Variants in NKAIN3 observed in about 807,000 individuals in gnomAD.
The protein encoded by NKAIN3 is sodium/potassium-transporting ATPase subunit beta-1-interacting protein 3.
A neutral mutation model predicts 30.2 loss-of-function variants in NKAIN3; 25 were observed. That is an observed-to-expected ratio of 0.83 (90% CI 0.60 to 1.16). The LOEUF (loss-of-function observed/expected upper bound fraction) is 1.16, where lower values mean the gene tolerates loss of function less well. NKAIN3 is among the 50% of genes most tolerant of loss of function. The pLI, the probability that NKAIN3 is intolerant of heterozygous loss-of-function variation, is 0.00. For missense variants in NKAIN3, 225 were observed against 254.1 expected (o/e 0.89, Z 0.78); for synonymous variants, 91 against 89.6 (o/e 1.02, Z -0.09).
chr8:62,445,367 T>C (rs983154827), intron 1 of NKAIN3, among the ~76,000 whole-genome samples: 2 of 152,020 alleles, frequency 1.3e-5, no homozygotes, highest in Non-Finnish European at 2.9e-5. Flanking sequence ...CATTTTAACA[T>C]CAATTTTCTT....
intron 1 of NKAIN3, among the ~76,000 whole-genome samples, chr8:62,323,093 G>T (rs748375740): frequency 6.6e-6 from 1 of 152,164 alleles, no homozygotes; most frequent in Non-Finnish European, 1.5e-5. Context: ...ATGCAAAATG[G>T]TAGAGGCATT....
intron 3 of NKAIN3, among the ~76,000 whole-genome samples, chr8:62,740,216 A>G (rs114407484): frequency 0.011 from 1,684 of 152,250 alleles, 36 homozygotes; most frequent in African/African-American, 0.038. Context: ...ATATTCTGAG[A>G]CGAAAAAATA....
chr8:62,470,691 G>A (rs540666554), intron 1 of NKAIN3, among the ~76,000 whole-genome samples: 39 of 152,090 alleles, frequency 2.6e-4, no homozygotes, highest in East Asian at 5.8e-4. Flanking sequence ...CAGTGATAAC[G>A]TTAAGATGTT....
chr8:62,931,463 A>C (rs747570566), intron 5 of NKAIN3, among the ~76,000 whole-genome samples: 3 of 152,200 alleles, frequency 2.0e-5, no homozygotes, highest in Non-Finnish European at 4.4e-5. Flanking sequence ...GTACTTTCTG[A>C]AATAGTATTA....
chr8:62,806,680 G>A (rs1037858875), intron 4 of NKAIN3, among the ~76,000 whole-genome samples: 8 of 151,928 alleles, frequency 5.3e-5, no homozygotes, highest in Non-Finnish European at 1.2e-4. Context: ...GGGAGGGATA[G>A]CATTAGGAGA....
chr8:62,776,957 A>C (rs557596898), intron 4 of NKAIN3, among the ~76,000 whole-genome samples: 26 of 152,288 alleles, frequency 1.7e-4, no homozygotes, highest in African/African-American at 4.6e-4. Flanking sequence ...TGTTTAAAGA[A>C]TATTTTCACT....
At chr8:62,895,512 T>A (rs1388000562) in intron 4 of NKAIN3, among the ~76,000 whole-genome samples, 2 of 152,174 alleles carry the variant, frequency 1.3e-5, no homozygotes, top group Non-Finnish European at 2.9e-5. Flanking sequence ...TGGATGAGGA[T>A]TTCAGTTTGA....
At chr8:62,628,021 C>G (rs1811841996) in intron 3 of NKAIN3, among the ~76,000 whole-genome samples, 1 of 152,100 alleles carries the variant, frequency 6.6e-6, no homozygotes. Context: ...CACAGCCACC[C>G]AGATCTGTCA....
chr8:62,295,976 A>T (rs1382454957), intron 1 of NKAIN3, among the ~76,000 whole-genome samples: 1 of 152,202 alleles, frequency 6.6e-6, no homozygotes, highest in East Asian at 1.9e-4. Flanking sequence ...ACCAACTTGC[A>T]CATCAGCAAA....
intron 1 of NKAIN3, among the ~76,000 whole-genome samples, chr8:62,430,943 G>A (rs1298679978): frequency 6.6e-6 from 1 of 151,856 alleles, no homozygotes; most frequent in Non-Finnish European, 1.5e-5. Context: ...AAGCAGGAAA[G>A]TATTATAGGC....
intron 3 of NKAIN3, among the ~76,000 whole-genome samples, chr8:62,612,386 AT>A (rs982754556): frequency 2.9e-4 from 44 of 151,948 alleles, no homozygotes; most frequent in Non-Finnish European, 5.0e-4. Context: ...GTCACTCCCT[AT>A]AGTTTTTGTC....
chr8:62,880,044 G>C (rs1820927155), intron 4 of NKAIN3, among the ~76,000 whole-genome samples: 1 of 152,146 alleles, frequency 6.6e-6, no homozygotes. Flanking sequence ...GTAAGAGATC[G>C]CCAGTCCCTA....
chr8:62,546,344 G>A (rs1809014257), intron 1 of NKAIN3, among the ~76,000 whole-genome samples: 1 of 152,086 alleles, frequency 6.6e-6, no homozygotes, highest in Non-Finnish European at 1.5e-5. Context: ...CAGTACACTG[G>A]CTACCAAAAA....
At chr8:62,418,743 G>C (rs1158749056) in intron 1 of NKAIN3, among the ~76,000 whole-genome samples, 2 of 152,094 alleles carry the variant, frequency 1.3e-5, no homozygotes, top group Admixed American at 1.3e-4. Flanking sequence ...CTGTCGCTTT[G>C]AATCCCTTGA....
At chr8:62,787,932 T>G (rs1275138493) in intron 4 of NKAIN3, among the ~76,000 whole-genome samples, 2 of 152,180 alleles carry the variant, frequency 1.3e-5, no homozygotes, top group Non-Finnish European at 2.9e-5. Flanking sequence ...TCTATCATTG[T>G]TGGACATCTG....
chr8:62,473,478 G>C (rs1179242519), intron 1 of NKAIN3: 1 of 152,108 alleles, frequency 6.6e-6, no homozygotes, highest in Non-Finnish European at 1.5e-5. Context: ...GAAGCAAAAA[G>C]CCCTATAAAA....
intron 1 of NKAIN3, among the ~76,000 whole-genome samples, chr8:62,560,728 A>G (rs1809545762): frequency 6.6e-6 from 1 of 151,378 alleles, no homozygotes. Context: ...TTTAGTAGAG[A>G]TGGGGTTTCA....
chr8:62,856,676 A>C, intron 4 of NKAIN3: 2 of 764,536 alleles, frequency 2.6e-6, no homozygotes, highest in South Asian at 1.4e-5. Context: ...GTGAGTCATC[A>C]GATCTGTGGC....
chr8:62,523,787 G>A (rs1221214306), intron 1 of NKAIN3, among the ~76,000 whole-genome samples: 1 of 152,198 alleles, frequency 6.6e-6, no homozygotes, highest in African/African-American at 2.4e-5. Flanking sequence ...CCCATAGCAA[G>A]TGTGTATCGC....
Sources: gnomAD v4.1 joint callset for allele counts (sites outside exome capture counted in the v4.1 genomes callset) on GRCh38, gnomAD v4.1.1 for gene constraint, MANE v1.5 for transcripts, NCBI Gene and HGNC (gene_info 2026-07-23, HGNC 2026-07-21) for gene names.